The following HIVEP2 variants were observed in gnomAD, a reference collection of about 807,000 sequenced individuals.
The protein encoded by HIVEP2 is transcription factor HIVEP2.
HIVEP2 carries 14 observed loss-of-function variants against 180.7 expected under a neutral mutation model. That is an observed-to-expected ratio of 0.08 (90% CI 0.05 to 0.12). HIVEP2 has a LOEUF of 0.12. Ranked by LOEUF, HIVEP2 falls within the 10% of genes least tolerant of loss-of-function variation. The probability of loss-of-function intolerance (pLI) is 1.00; values close to 1 mark genes in which losing one functional copy is unlikely to be tolerated. For synonymous variants in HIVEP2, 1,184 were observed against 1,136.4 expected, an observed-to-expected ratio of 1.04 and a Z score of -0.84; for missense variants, 2,579 against 3,008.5, an observed-to-expected ratio of 0.86 and a Z score of 3.34.
At chr6:142,863,691 T>A (rs1050860227) in intron 1 of HIVEP2, among the ~76,000 whole-genome samples, 3 of 152,174 alleles carry the variant, frequency 2.0e-5, no homozygotes. Flanking sequence ...TACCAAAATC[T>A]TCACAATACC....
At chr6:142,899,976 G>T (rs191945737) in intron 1 of HIVEP2, among the ~76,000 whole-genome samples, 1 of 152,290 alleles carries the variant, frequency 6.6e-6, no homozygotes, top group African/African-American at 2.4e-5. Context: ...ATGATTCTTA[G>T]TGGAGAGAAA....
rs533632645 is a variant in HIVEP2, at chr6:142,814,187, G to C, written c.-528+22748C>G. On this transcript the variant is annotated intron_variant, in intron 2 of 9. Transcript: ENST00000367603. ...CATGTGCAGAAGTTCATCTAATAGA[G>C]AAATTGAAATGTGACATCAGAGGCA... Among the ~76,000 whole-genome samples, 4 of 152,176 alleles carry C rather than the reference G, an allele frequency of 2.6e-5. No homozygotes were observed. In the South Asian group the frequency reaches 8.3e-4, roughly 32 times the overall value.
chr6:142,774,320 G>T lies in HIVEP2; in HGVS notation c.419C>A (p.Pro140His). ...LPSVASEDLF[P>H]FPIHGHSGGY... ...ACCACTGTGGCCATGTATAGGAAAA[G>T]GAAATAAGTCCTCAGAGGCAACGGA... The change falls in exon 5 of 10, where the codon CCT becomes CAT. Residue 140 changes from proline to histidine, a missense_variant. Pro to His is a moderately conservative substitution (Grantham distance 77, BLOSUM62 -2). This residue lies in a region of HIVEP2 where 207 missense variants were observed against 210.1 expected (regional missense o/e 0.99). Coordinates refer to ENST00000367603, the MANE Select transcript of HIVEP2 (RefSeq NM_006734.4). This position sits in a 1 kb window ranked among gnomAD's most constrained non-coding sequence, Gnocchi z 5.1. The T allele has an allele frequency of 6.2e-7, 1 of 1,614,214 alleles. No homozygotes were observed.
At chr6:142,865,145 C>A (rs890938158) in intron 1 of HIVEP2, among the ~76,000 whole-genome samples, 1 of 152,198 alleles carries the variant, frequency 6.6e-6, no homozygotes, top group East Asian at 1.9e-4. Flanking sequence ...ACTATTGCTC[C>A]AGGAAAACCA....
rs528292477 is a variant in HIVEP2, at chr6:142,759,884, C to G, written c.6404G>C (p.Arg2135Thr). The G allele has an allele frequency of 9.1e-5, 147 of 1,614,134 alleles. No homozygotes were observed. Among genetic ancestry groups the G allele is most frequent in the Non-Finnish European group, 1.2e-4 (140 of 1,179,994 alleles). Reference protein sequence around the residue: ...ARRDLSPRRERRYMTTIRAPS... With the variant: ...ARRDLSPRRETRYMTTIRAPS... ...CGCTCTTATTGTGGTCATGTATCTT[C>G]TCTCTCTTCTAGGAGAGAGGTCTCT... The change falls in exon 9 of 10, where the codon AGA (arginine) becomes ACA (threonine). Residue 2135 changes from arginine (R) to threonine (T), a missense_variant. Around this residue, in one of 11 missense-constraint regions of HIVEP2, gnomAD observed 660 missense variants for 731.7 expected, o/e 0.90. Transcript: ENST00000367603.
chr6:142,855,551 G>A (rs1346493966), intron 1 of HIVEP2, among the ~76,000 whole-genome samples: 4 of 152,186 alleles, frequency 2.6e-5, no homozygotes, highest in Non-Finnish European at 5.9e-5. Flanking sequence ...TAATTTTAAT[G>A]GGCAAATACT....
At chr6:142,819,368 T>A (rs535574599) in intron 2 of HIVEP2, among the ~76,000 whole-genome samples, 154 of 152,350 alleles carry the variant, frequency 1.0e-3, no homozygotes, top group Non-Finnish European at 1.9e-3. Context: ...GGAGCTTTTA[T>A]GAATCTTAAA....
At chr6:142,805,068 T>G (rs1776513461) in intron 2 of HIVEP2, among the ~76,000 whole-genome samples, 1 of 152,018 alleles carries the variant, frequency 6.6e-6, no homozygotes, top group Non-Finnish European at 1.5e-5. Flanking sequence ...AACGCCAGAT[T>G]GTGAGGTATA....
At chr6:142,807,385 G>A (rs1439764202) in intron 2 of HIVEP2, among the ~76,000 whole-genome samples, 2 of 152,134 alleles carry the variant, frequency 1.3e-5, no homozygotes, top group African/African-American at 4.8e-5. Flanking sequence ...GGAGGTAGAG[G>A]GCTTCATACA....
At chr6:142,762,746 A>G (rs1449490868) in intron 7 of HIVEP2, among the ~76,000 whole-genome samples, 2 of 152,222 alleles carry the variant, frequency 1.3e-5, no homozygotes, top group Admixed American at 6.5e-5. Flanking sequence ...TATGAGCCAC[A>G]GTTAAAACTG....
chr6:142,792,147 G>C (rs1776153232), intron 2 of HIVEP2, among the ~76,000 whole-genome samples: 1 of 152,152 alleles, frequency 6.6e-6, no homozygotes, highest in South Asian at 2.1e-4. Context: ...CAGACACAGA[G>C]AGACATCAGT....
intron 1 of HIVEP2, among the ~76,000 whole-genome samples, chr6:142,911,763 T>G (rs1041407164): frequency 6.6e-6 from 1 of 152,090 alleles, no homozygotes; most frequent in African/African-American, 2.4e-5. Flanking sequence ...TCAGGGGAAA[T>G]GTGTGTGAGT....
chr6:142,885,471 G>A (rs868451688), intron 1 of HIVEP2, among the ~76,000 whole-genome samples: 1 of 152,014 alleles, frequency 6.6e-6, no homozygotes, highest in Non-Finnish European at 1.5e-5. Context: ...TTGTCCATTC[G>A]CTGAGGTCAC....
chr6:142,773,196 C>G lies in HIVEP2; in HGVS notation c.1543G>C (p.Glu515Gln). The change falls in exon 5 of 10, where the codon GAA becomes CAA. Residue 515 changes from glutamate to glutamine, a missense_variant. Physicochemically the swap from Glu to Gln is conservative, Grantham distance 29 (BLOSUM62 2). Around this residue, in one of 11 missense-constraint regions of HIVEP2, gnomAD observed 524 missense variants for 563.6 expected, o/e 0.93. Coordinates refer to ENST00000367603, the MANE Select transcript of HIVEP2 (RefSeq NM_006734.4). ...AAGTTTGCTGGATAAAGTTTTCCTT[C>G]GTTCCTGATAGATGATGGAATAATC... Reference protein sequence around the residue: ...PQIIPSSIRNEGKLYPANFQG... With the variant: ...PQIIPSSIRNQGKLYPANFQG... 6.2e-7 allele frequency: 1 copy of G among 1,614,174 alleles called. No individual in the cohort carries two copies. Among genetic ancestry groups the G allele is most frequent in the Non-Finnish European group, 8.5e-7 (1 of 1,180,028 alleles).
rs920542795 is a variant in HIVEP2, at chr6:142,753,775, G to C, written c.6673C>G (p.Pro2225Ala). The change falls in exon 10 of 10, where the codon CCT becomes GCT. Residue 2225 changes from proline (P) to alanine (A), a missense_variant. By Grantham distance (27) the Pro-to-Ala change is conservative. Around this residue, in one of 11 missense-constraint regions of HIVEP2, gnomAD observed 660 missense variants for 731.7 expected, o/e 0.90. Transcript: ENST00000367603. Reference sequence around the variant, plus strand: ...CCACCAACGGGCACCATGGGGATAGGGGCTCGCACTTGTTGCTGAGAGTGG... The same window carrying C: ...CCACCAACGGGCACCATGGGGATAGCGGCTCGCACTTGTTGCTGAGAGTGG... ...PLHSQQQVRA[P>A]IPMVPVGGIQ... 5.0e-6 allele frequency: 8 copies of C among 1,614,066 alleles called. No homozygotes were observed. Among genetic ancestry groups the C allele is most frequent in the African/African-American group, 1.3e-5 (1 of 74,926 alleles).
chr6:142,903,673 C>T (rs947175654), intron 1 of HIVEP2, among the ~76,000 whole-genome samples: 1 of 152,112 alleles, frequency 6.6e-6, no homozygotes, highest in Non-Finnish European at 1.5e-5. Context: ...AATTCACACA[C>T]TAATTCTGAT....
intron 1 of HIVEP2, among the ~76,000 whole-genome samples, chr6:142,849,648 G>A (rs1162439371): frequency 6.6e-6 from 1 of 152,044 alleles, no homozygotes; most frequent in African/African-American, 2.4e-5. Flanking sequence ...CTGAGCAGCT[G>A]GGACCACAGG....
intron 2 of HIVEP2, among the ~76,000 whole-genome samples, chr6:142,802,301 G>A (rs1776433515): frequency 6.6e-6 from 1 of 152,078 alleles, no homozygotes; most frequent in African/African-American, 2.4e-5. Flanking sequence ...TGCACACAGG[G>A]ACTTCCCCCC....
intron 2 of HIVEP2, among the ~76,000 whole-genome samples, chr6:142,797,263 T>A (rs978326283): frequency 7.2e-5 from 11 of 152,120 alleles, no homozygotes; most frequent in South Asian, 4.2e-4. Flanking sequence ...TAAAAAAAAA[T>A]TTTTTAGAAT....
Sources: gnomAD v4.1 joint callset for allele counts (sites outside exome capture counted in the v4.1 genomes callset) on GRCh38, gnomAD v4.1.1 for gene constraint, gnomAD v4.1.1 regional missense constraint, Gnocchi (gnomAD v3.1) non-coding constraint, MANE v1.5 for transcripts, NCBI Gene and HGNC (gene_info 2026-07-23, HGNC 2026-07-21) for gene names.